PRKN: variants seen among roughly 807,000 people sequenced by gnomAD.
The protein encoded by PRKN is parkin RBR E3 ubiquitin protein ligase.
A neutral mutation model predicts 59.5 loss-of-function variants in PRKN; 56 were observed. The ratio of observed to expected loss-of-function variants is 0.94; its 90% CI spans 0.76 to 1.18. The LOEUF (loss-of-function observed/expected upper bound fraction) is 1.18, where lower values mean the gene tolerates loss of function less well. PRKN is among the 50% of genes most tolerant of loss of function. The pLI is 0.00. For synonymous variants in PRKN, 250 were observed against 222.1 expected, an observed-to-expected ratio of 1.13 and a Z score of -1.12; for missense variants, 657 against 596.4, an observed-to-expected ratio of 1.10 and a Z score of -1.06.
Position 161,968,994 on chromosome 6 carries a change from G to A in PRKN, c.734+4308C>T, listed in dbSNP as rs1780693935. On this transcript the variant is annotated intron_variant, in intron 6 of 11. Coordinates refer to ENST00000366898, the MANE Select transcript of PRKN (RefSeq NM_004562.3). ...GCAAATAAGCCAGTGAGAAATTCTT[G>A]TATTCATAAATAACAAAATAATAAA... Among the ~76,000 whole-genome samples, 5 of 152,206 alleles carry A rather than the reference G, an allele frequency of 3.3e-5. No individual in the cohort carries two copies. In the South Asian group the frequency reaches 1.0e-3, roughly 32 times the overall value.
At chr6:162,236,247 T>C (rs532287100) in intron 3 of PRKN, among the ~76,000 whole-genome samples, 1 of 152,306 alleles carries the variant, frequency 6.6e-6, no homozygotes, top group East Asian at 1.9e-4. Flanking sequence ...ATTCCTATCC[T>C]TTGCCTCAAC....
intron 1 of PRKN, among the ~76,000 whole-genome samples, chr6:162,711,006 T>A (rs2849520): frequency 6.6e-6 from 1 of 152,090 alleles, no homozygotes; most frequent in Non-Finnish European, 1.5e-5. Flanking sequence ...ACTCCACTAC[T>A]GGAAACAGAG....
Position 161,817,925 on chromosome 6 carries a change from C to T in PRKN, c.735-32017G>A, listed in dbSNP as rs574234726. Reference sequence around the variant, plus strand: ...CCCACCGTTGCTCCAAGGAGACCCCCGAAGAGCCTGAAGATGTGAAGCTCT... The same window carrying T: ...CCCACCGTTGCTCCAAGGAGACCCCTGAAGAGCCTGAAGATGTGAAGCTCT... On this transcript the variant is annotated intron_variant, in intron 6 of 11. Transcript: ENST00000366898. Among the ~76,000 whole-genome samples the T allele has an allele frequency of 3.9e-5, 6 of 152,268 alleles. No individual in the cohort carries two copies. In the South Asian group the frequency reaches 1.0e-3, roughly 26 times the overall value.
intron 4 of PRKN, among the ~76,000 whole-genome samples, chr6:162,188,502 C>T (rs1784123697): frequency 6.6e-6 from 1 of 152,198 alleles, no homozygotes; most frequent in African/African-American, 2.4e-5. Flanking sequence ...TCAATGTCCA[C>T]ATAGGCCCTA....
intron 1 of PRKN, among the ~76,000 whole-genome samples, chr6:162,644,294 C>T (rs1369646947): frequency 6.6e-6 from 1 of 152,184 alleles, no homozygotes; most frequent in Non-Finnish European, 1.5e-5. Context: ...CCATGGAAGG[C>T]TCTGAGCTGG....
In PRKN at chr6:162,262,626, C is replaced by A. The variant is rs748892763; in HGVS notation, c.311G>T (p.Arg104Leu). The A allele has an allele frequency of 6.2e-7, 1 of 1,613,862 alleles. No homozygotes were observed. The highest frequency in any genetic ancestry group is 8.5e-7 in the Non-Finnish European group (1 of 1,179,996). Reference sequence around the variant, plus strand: ...GAGGACTGAGCTGCTGAGGTCCACCCGAGTCAAGCTCTGGGGCTCCCGCTC... The same window carrying A: ...GAGGACTGAGCTGCTGAGGTCCACCAGAGTCAAGCTCTGGGGCTCCCGCTC... ...GCEREPQSLT[R>L]VDLSSSVLPG... The change falls in exon 3 of 12, where the codon CGG becomes CTG. Residue 104 changes from arginine to leucine, a missense_variant. Physicochemically the swap from Arg to Leu is moderately radical, Grantham distance 102. Transcript: ENST00000366898.
chr6:161,523,931 A>G (rs962274578), intron 9 of PRKN, among the ~76,000 whole-genome samples: 6 of 152,214 alleles, frequency 3.9e-5, no homozygotes, highest in African/African-American at 9.6e-5. Flanking sequence ...TCAGCAAGAG[A>G]GAGACTGGGA....
At chr6:162,251,055 C>T (rs902476786) in intron 3 of PRKN, among the ~76,000 whole-genome samples, 4 of 152,096 alleles carry the variant, frequency 2.6e-5, no homozygotes, top group Non-Finnish European at 5.9e-5. Flanking sequence ...ATAATCTCCA[C>T]TAGCTTTCAA....
rs143668169 is a variant in PRKN at position 161,665,695 on chromosome 6, G to A, written c.872-96279C>T. On this transcript the variant is annotated intron_variant, in intron 7 of 11. Coordinates refer to ENST00000366898, the MANE Select transcript of PRKN (RefSeq NM_004562.3). ...TTAGTATCAAACATTTTAGGTCAAG[G>A]TGGCAATTCTGACTTCCAGTAGTGA... Among the ~76,000 whole-genome samples the A allele has an allele frequency of 3.9e-5, 6 of 152,260 alleles. No individual in the cohort carries two copies. In the East Asian group the frequency reaches 1.2e-3, roughly 29 times the overall value.
chr6:162,282,962 T>C (rs1472366228), intron 2 of PRKN, among the ~76,000 whole-genome samples: 1 of 152,010 alleles, frequency 6.6e-6, no homozygotes, highest in Non-Finnish European at 1.5e-5. Context: ...ATTTAATTCC[T>C]GATAAGCTTT....
At chr6:162,091,432 C>A (rs116605315) in intron 4 of PRKN, among the ~76,000 whole-genome samples, 1,572 of 152,258 alleles carry the variant, frequency 0.01, 26 homozygotes, top group African/African-American at 0.036. Flanking sequence ...ATCAGACTTA[C>A]AAACATCACC....
chr6:162,699,554 T>C (rs745369317), intron 1 of PRKN, among the ~76,000 whole-genome samples: 4 of 152,336 alleles, frequency 2.6e-5, no homozygotes, highest in South Asian at 2.1e-4. Flanking sequence ...CTATGACCCA[T>C]TGTTTGCCAG....
intron 6 of PRKN, among the ~76,000 whole-genome samples, chr6:161,786,887 T>G (rs1790441323): frequency 7.1e-6 from 1 of 140,264 alleles, no homozygotes; most frequent in Non-Finnish European, 1.5e-5. Flanking sequence ...CCTAATTTTT[T>G]TTATCCCTTT....
chr6:161,415,228 C>T (rs1253672605), intron 9 of PRKN, among the ~76,000 whole-genome samples: 1 of 152,160 alleles, frequency 6.6e-6, no homozygotes, highest in African/African-American at 2.4e-5. Flanking sequence ...CCGCGAGGAA[C>T]CATTCATGCA....
At chr6:161,939,757 C>A (rs986884021) in intron 6 of PRKN, among the ~76,000 whole-genome samples, 1 of 151,758 alleles carries the variant, frequency 6.6e-6, no homozygotes, top group Admixed American at 6.6e-5. Context: ...GAAAAAAAGG[C>A]AGATGTTAAA....
At chr6:161,825,925 C>T (rs9355934) in intron 6 of PRKN, among the ~76,000 whole-genome samples, 38,508 of 152,002 alleles carry the variant, frequency 0.25, 5,769 homozygotes, top group East Asian at 0.41. Context: ...AAGCTGCGGC[C>T]GGCAAGAATG....
chr6:161,381,080 T>G (rs1311286194), intron 10 of PRKN, among the ~76,000 whole-genome samples: 2 of 152,252 alleles, frequency 1.3e-5, no homozygotes, highest in African/African-American at 2.4e-5. Context: ...AAATGAAATT[T>G]ATCTTTGCAT....
At position 161,773,112 on chromosome 6, in the gene PRKN, A is replaced by G. The variant is rs114023725; in HGVS notation, c.871+12660T>C. The stretch of plus-strand genomic sequence containing the variant: ...AGGAAGCGGCTATGGAGGAGATCAC[A>G]CGGAGGCTTCTGGGCTGCTGGCTCA... On this transcript the variant is annotated intron_variant, in intron 7 of 11. Coordinates refer to ENST00000366898, the MANE Select transcript of PRKN (RefSeq NM_004562.3). 2.6e-3 allele frequency among the ~76,000 whole-genome samples: 397 copies of G among 152,344 alleles called. 6 individuals carry two copies. The highest frequency in any genetic ancestry group is 9.1e-3 in the African/African-American group (377 of 41,586).
At chr6:161,776,376 A>G (rs544802965) in intron 7 of PRKN, among the ~76,000 whole-genome samples, 14 of 152,330 alleles carry the variant, frequency 9.2e-5, no homozygotes, top group Admixed American at 6.5e-4. Context: ...AGTTTGTCAG[A>G]GGTTCTGGAA....
Sources: gnomAD v4.1 joint callset for allele counts (sites outside exome capture counted in the v4.1 genomes callset) on GRCh38, gnomAD v4.1.1 for gene constraint, MANE v1.5 for transcripts, NCBI Gene and HGNC (gene_info 2026-07-23, HGNC 2026-07-21) for gene names.